The following CSMD3 variants were observed in gnomAD, a reference collection of about 807,000 sequenced individuals.
CSMD3 encodes the protein CUB and Sushi multiple domains 3.
Under a neutral mutation model 435.2 loss-of-function variants are expected in CSMD3, and 177 were observed. The ratio of observed to expected loss-of-function variants is 0.41; its 90% confidence interval spans 0.36 to 0.46. CSMD3 has a LOEUF of 0.46. Ranked by LOEUF, CSMD3 falls within the 20% of genes least tolerant of loss-of-function variation. CSMD3 has a pLI of 0.34. For missense variants in CSMD3, 4,265 were observed against 4,504.6 expected, an observed-to-expected ratio of 0.95 and a Z score of 1.52; for synonymous variants, 1,656 against 1,520.5, an observed-to-expected ratio of 1.09 and a Z score of -2.07.
chr8:112,636,887 T>C lies in CSMD3; in HGVS notation c.3645A>G (p.Glu1215=), dbSNP rs2131580990. The C allele has an allele frequency of 3.7e-6, 6 of 1,613,500 alleles. No homozygotes were observed. The highest frequency in any genetic ancestry group is 5.1e-6 in the Non-Finnish European group (6 of 1,179,710). ...CAAGACAGATGATCTCTGATGTTCC[T>C]TCCAGTCGATAACCCGAAGAGCATG... ...TFSCSSGYRL[E]GTSEIICLGG... Residue 1215 remains glutamate (E), a synonymous_variant, in exon 22 of 71, where the codon GAA becomes GAG. Coordinates refer to ENST00000297405, the MANE Select transcript of CSMD3 (RefSeq NM_198123.2).
At chr8:113,235,923 C>T (rs1050108499) in intron 3 of CSMD3, among the ~76,000 whole-genome samples, 1 of 152,080 alleles carries the variant, frequency 6.6e-6, no homozygotes, top group African/African-American at 2.4e-5. Flanking sequence ...CCCAGTATGG[C>T]CCAGGAAAGA....
intron 13 of CSMD3, among the ~76,000 whole-genome samples, chr8:112,751,086 A>G (rs888906326): frequency 6.8e-6 from 1 of 147,064 alleles, no homozygotes; most frequent in African/African-American, 2.5e-5. Context: ...AAAAAAAAAA[A>G]TAGAATTATT....
intron 13 of CSMD3, among the ~76,000 whole-genome samples, chr8:112,707,938 A>T (rs2076533898): frequency 6.6e-6 from 1 of 152,130 alleles, no homozygotes; most frequent in Non-Finnish European, 1.5e-5. Flanking sequence ...TACATGCCAG[A>T]CATAGTCTGC....
chr8:113,217,367 A>G (rs2092917273), intron 3 of CSMD3, among the ~76,000 whole-genome samples: 1 of 151,644 alleles, frequency 6.6e-6, no homozygotes, highest in Admixed American at 6.6e-5. Context: ...CAGACAAAAT[A>G]GGATTCAACA....
At chr8:113,153,957 C>A (rs72685880) in intron 4 of CSMD3, among the ~76,000 whole-genome samples, 10,108 of 151,936 alleles carry the variant, frequency 0.067, 441 homozygotes, top group Non-Finnish European at 0.095. Flanking sequence ...AGTCAGTTAT[C>A]ACACTGATTA....
intron 38 of CSMD3, among the ~76,000 whole-genome samples, chr8:112,359,845 A>G (rs900096608): frequency 2.0e-5 from 3 of 152,150 alleles, no homozygotes; most frequent in Non-Finnish European, 4.4e-5. Flanking sequence ...TTTTTGTAGT[A>G]TTGAATTTAT....
At chr8:113,247,377 T>C (rs1392251522) in intron 3 of CSMD3, among the ~76,000 whole-genome samples, 1 of 152,122 alleles carries the variant, frequency 6.6e-6, no homozygotes, top group African/African-American at 2.4e-5. Flanking sequence ...GCTTCAAAGC[T>C]TGTCTTCCCC....
chr8:112,853,188 T>C (rs1280927961), intron 11 of CSMD3, among the ~76,000 whole-genome samples: 1 of 152,106 alleles, frequency 6.6e-6, no homozygotes, highest in Non-Finnish European at 1.5e-5. Flanking sequence ...ATCCTACTCA[T>C]TAGCTTTTGC....
At chr8:112,697,928 G>T (rs947437584) in intron 13 of CSMD3, among the ~76,000 whole-genome samples, 1 of 151,948 alleles carries the variant, frequency 6.6e-6, no homozygotes, top group Non-Finnish European at 1.5e-5. Context: ...ACAAAAGAAA[G>T]AAAAAGTATC....
intron 32 of CSMD3, among the ~76,000 whole-genome samples, chr8:112,471,253 G>T (rs1275307985): frequency 6.6e-6 from 1 of 152,118 alleles, no homozygotes; most frequent in African/African-American, 2.4e-5. Flanking sequence ...AGAGAGCCAT[G>T]AAGTTTTCTG....
chr8:113,276,639 G>A (rs143616955), intron 3 of CSMD3, among the ~76,000 whole-genome samples: 4 of 152,032 alleles, frequency 2.6e-5, no homozygotes, highest in African/African-American at 9.6e-5. Flanking sequence ...TTTTAGCCTT[G>A]TGGGACTCCA....
intron 4 of CSMD3, among the ~76,000 whole-genome samples, chr8:113,100,741 A>G (rs2090304436): frequency 6.6e-6 from 1 of 152,174 alleles, no homozygotes; most frequent in Admixed American, 6.6e-5. Flanking sequence ...CGTCATTTGT[A>G]CATGATAAAT....
chr8:112,294,385 A>G (rs1290695819), intron 54 of CSMD3, among the ~76,000 whole-genome samples: 1 of 152,096 alleles, frequency 6.6e-6, no homozygotes, highest in Non-Finnish European at 1.5e-5. Flanking sequence ...TAATTACAAC[A>G]TATTTACAGT....
chr8:112,614,345 A>G (rs941591853), intron 22 of CSMD3, among the ~76,000 whole-genome samples: 3 of 152,130 alleles, frequency 2.0e-5, no homozygotes, highest in Non-Finnish European at 4.4e-5. Flanking sequence ...TTCTAGGATC[A>G]CTATATGTTT....
chr8:113,007,027 G>A (rs977275852), intron 6 of CSMD3, among the ~76,000 whole-genome samples: 1 of 151,930 alleles, frequency 6.6e-6, no homozygotes, highest in African/African-American at 2.4e-5. Context: ...ACCTGAAACA[G>A]TGGCAAGTAA....
chr8:112,723,089 T>C (rs1385272911), intron 13 of CSMD3, among the ~76,000 whole-genome samples: 2 of 151,384 alleles, frequency 1.3e-5, no homozygotes, highest in East Asian at 1.9e-4. Context: ...TAGTGTTAAA[T>C]TGTCAGTTCA....
intron 11 of CSMD3, among the ~76,000 whole-genome samples, chr8:112,839,870 C>A (rs1057384350): frequency 4.0e-5 from 6 of 151,706 alleles, no homozygotes; most frequent in Non-Finnish European, 8.8e-5. Context: ...ATGAACCATG[C>A]AATGAGTTTT....
intron 1 of CSMD3, among the ~76,000 whole-genome samples, chr8:113,374,368 G>T (rs1431514062): frequency 6.6e-6 from 1 of 151,826 alleles, no homozygotes; most frequent in South Asian, 2.1e-4. Flanking sequence ...TTATTTTAAC[G>T]AATGAGACAA....
Position 112,689,965 on chromosome 8 carries a change from T to C in CSMD3, c.2058A>G (p.Leu686=), listed in dbSNP as rs910099640. The C allele has an allele frequency of 3.1e-6, 5 of 1,613,092 alleles. No homozygotes were observed. The highest frequency in any genetic ancestry group is 4.2e-6 in the Non-Finnish European group (5 of 1,179,356). Residue 686 remains leucine (L), a synonymous_variant, in exon 14 of 71, where the codon TTA becomes TTG. Transcript: ENST00000297405. ...CAAACCCAAACTGGCATTCAAACCT[T>C]AAAACATCACGATTAGAAAATCCAT... ...EGDGFSNRDV[L]RFECQFGFEL... is the part of the protein sequence containing the mutation.
Sources: gnomAD v4.1 joint callset for allele counts (sites outside exome capture counted in the v4.1 genomes callset) on GRCh38, gnomAD v4.1.1 for gene constraint, MANE v1.5 for transcripts, NCBI Gene and HGNC (gene_info 2026-07-23, HGNC 2026-07-21) for gene names.